Variants in GNAL observed in about 807,000 individuals in gnomAD.
The protein encoded by GNAL is guanine nucleotide-binding protein G(olf) subunit alpha.
GNAL carries 18 observed loss-of-function variants against 55.1 expected under a neutral mutation model. The ratio of observed to expected loss-of-function variants is 0.33; its 90% confidence interval spans 0.23 to 0.48. GNAL has a LOEUF of 0.48. Among genes scored for constraint, GNAL ranks in the 20% least tolerant of loss-of-function variants. The pLI, the probability that GNAL is intolerant of heterozygous loss-of-function variation, is 0.99. For synonymous variants in GNAL, 253 were observed against 237.0 expected (o/e 1.07, Z -0.62); for missense variants, 412 against 614.1 (o/e 0.67, Z 3.48).
intron 1 of GNAL, among the ~76,000 whole-genome samples, chr18:11,699,029 T>G (rs2031492227): frequency 6.6e-6 from 1 of 152,088 alleles, no homozygotes; most frequent in African/African-American, 2.4e-5. Flanking sequence ...AAGACCTAAC[T>G]CCAAGGGCCC....
intron 5 of GNAL, among the ~76,000 whole-genome samples, chr18:11,849,892 G>C (rs1420987645): frequency 6.6e-6 from 1 of 152,206 alleles, no homozygotes; most frequent in Non-Finnish European, 1.5e-5. Context: ...GCTCCATGGA[G>C]AGGGGAAGGA....
chr18:11,827,893 C>G (rs1422160848), intron 5 of GNAL, among the ~76,000 whole-genome samples: 1 of 151,400 alleles, frequency 6.6e-6, no homozygotes. Flanking sequence ...ATGGCGTGAA[C>G]CCGGGAGGCG....
At chr18:11,864,122 C>A (rs970677799) in intron 6 of GNAL, among the ~76,000 whole-genome samples, 1 of 144,110 alleles carries the variant, frequency 6.9e-6, no homozygotes, top group Non-Finnish European at 1.5e-5. Flanking sequence ...GAGTCTCACT[C>A]GTCACCCAGG....
intron 4 of GNAL, among the ~76,000 whole-genome samples, chr18:11,819,443 C>T (rs1279190269): frequency 1.3e-5 from 2 of 151,794 alleles, no homozygotes; most frequent in Non-Finnish European, 2.9e-5. Context: ...ATTTTAAAGC[C>T]TTGCTTTTAA....
intron 4 of GNAL, among the ~76,000 whole-genome samples, chr18:11,764,625 A>G (rs529942885): frequency 3.3e-5 from 5 of 151,820 alleles, no homozygotes; most frequent in African/African-American, 7.3e-5. Context: ...CCTAGGCAAC[A>G]TGGTGAAACC....
chr18:11,855,041 C>T (rs1387406364), intron 5 of GNAL, among the ~76,000 whole-genome samples: 1 of 146,872 alleles, frequency 6.8e-6, no homozygotes, highest in East Asian at 1.9e-4. Context: ...CTGCCTCAGC[C>T]CCCTGAGTAG....
At chr18:11,828,059 G>A (rs1028150152) in intron 5 of GNAL, among the ~76,000 whole-genome samples, 5 of 152,068 alleles carry the variant, frequency 3.3e-5, no homozygotes, top group Non-Finnish European at 5.9e-5. Context: ...ATACAGTTCT[G>A]TGGTTGCTCT....
intron 1 of GNAL, among the ~76,000 whole-genome samples, chr18:11,718,029 C>T (rs1207308702): frequency 6.6e-6 from 1 of 152,100 alleles, no homozygotes; most frequent in African/African-American, 2.4e-5. Context: ...CTTCATATTA[C>T]ATGACAGTGT....
At chr18:11,704,781 A>ATT (rs11408182) in intron 1 of GNAL, among the ~76,000 whole-genome samples, 18 of 140,790 alleles carry the variant, frequency 1.3e-4, no homozygotes, top group South Asian at 4.2e-4. Context: ...TCCATTATCA[A>ATT]TTTTTTTTTA....
Position 11,881,093 on chromosome 18 carries a change from C to T in GNAL, c.1335C>T (p.Asp445=). The T allele has an allele frequency of 6.2e-7, 1 of 1,612,946 alleles. No homozygotes were observed. The highest frequency in any genetic ancestry group is 8.5e-7 in the Non-Finnish European group (1 of 1,179,470). The part of the protein sequence containing the change: ...NIRRVFNDCR[D]IIQRMHLKQY... Reference sequence around the variant, plus strand: ...GCAGGGTGTTCAACGACTGCCGCGACATCATCCAGCGGATGCACCTCAAGC... The same window carrying T: ...GCAGGGTGTTCAACGACTGCCGCGATATCATCCAGCGGATGCACCTCAAGC... The change falls in exon 12 of 12, where the codon GAC becomes GAT. Residue 445 remains aspartate, a synonymous_variant. Coordinates refer to ENST00000334049, the MANE Select transcript of GNAL (RefSeq NM_182978.4). The surrounding 1 kb of genome is among the most constrained non-coding windows in gnomAD (Gnocchi z 4.8).
Position 11,752,425 on chromosome 18 carries a change from CG to C in GNAL, c.377-425del. ...CCTAACTTCCTGACGTCCATCCCAG[CG>C]GGCAGGCATGGGGTGTTTGGGCGGC... On this transcript the variant is annotated intron_variant, in intron 1 of 11. Coordinates refer to ENST00000334049, the MANE Select transcript of GNAL (RefSeq NM_182978.4). The surrounding 1 kb of genome is among the most constrained non-coding windows in gnomAD (Gnocchi z 4.5). 1 of 1,600,248 alleles carries C rather than the reference CG, an allele frequency of 6.2e-7. No individual in the cohort carries two copies. Among genetic ancestry groups the C allele is most frequent in the Non-Finnish European group, 8.5e-7 (1 of 1,174,618 alleles).
At position 11,689,602 on chromosome 18, in the gene GNAL, G is replaced by A. The variant is rs1295123591; in HGVS notation, c.39G>A (p.Gly13=). Residue 13 remains glycine, a synonymous_variant, in exon 1 of 12, where the codon GGG becomes GGA. Coordinates refer to ENST00000334049, the MANE Select transcript of GNAL (RefSeq NM_182978.4). ...LCYSLRPLLF[G]GPGDDPCAAS... ...ACAGTCTGCGGCCGCTGCTTTTCGG[G>A]GGCCCAGGGGACGACCCCTGCGCGG... 1.5e-6 allele frequency: 2 copies of A among 1,335,924 alleles called. No homozygotes were observed. The highest frequency in any genetic ancestry group is 4.2e-5 in the Admixed American group (1 of 23,940). The allele number at this position is 1,335,924 out of a possible 1,614,324, so 82.8% of individuals were successfully genotyped here.
chr18:11,729,669 A>G (rs2032291170), intron 1 of GNAL, among the ~76,000 whole-genome samples: 1 of 152,204 alleles, frequency 6.6e-6, no homozygotes, highest in South Asian at 2.1e-4. Context: ...TCATTTCTGT[A>G]TCCTCCACAC....
Position 11,758,667 on chromosome 18 carries a change from G to C in GNAL, c.624+4722G>C, listed in dbSNP as rs747913323. Among the ~76,000 whole-genome samples the C allele has an allele frequency of 4.3e-4, 65 of 152,234 alleles. 1 individual carries two copies. The highest frequency in any genetic ancestry group is 1.8e-3 in the Admixed American group (27 of 15,280). ...TGGGATTAGCTACAAATAATGAATTGACAGTTGCCTGATTAGAGTTTTTCT... is the reference window on the plus strand; with the variant it reads ...TGGGATTAGCTACAAATAATGAATTCACAGTTGCCTGATTAGAGTTTTTCT... On this transcript the variant is annotated intron_variant, in intron 4 of 11. Coordinates refer to ENST00000334049, the MANE Select transcript of GNAL (RefSeq NM_182978.4).
At chr18:11,793,567 GCAAGAT>G (rs775012029) in intron 4 of GNAL, among the ~76,000 whole-genome samples, 5 of 147,620 alleles carry the variant, frequency 3.4e-5, no homozygotes, top group Non-Finnish European at 7.5e-5. Flanking sequence ...GAACAATAGA[GCAAGAT>G]CCTGTCTCTA....
chr18:11,814,963 G>A (rs2034917573), intron 4 of GNAL, among the ~76,000 whole-genome samples: 1 of 152,042 alleles, frequency 6.6e-6, no homozygotes, highest in Non-Finnish European at 1.5e-5. Flanking sequence ...AGAGGTTGGA[G>A]AGGGGAAAGT....
chr18:11,852,945 C>T (rs902085598), intron 5 of GNAL: 18 of 166,870 alleles, frequency 1.1e-4, no homozygotes, highest in African/African-American at 4.3e-4. Context: ...AGTTATTTTC[C>T]TGTTTCAACA....
intron 1 of GNAL, among the ~76,000 whole-genome samples, chr18:11,718,176 A>G (rs2032018306): frequency 6.6e-6 from 1 of 152,216 alleles, no homozygotes; most frequent in African/African-American, 2.4e-5. Flanking sequence ...TTCACAGGGG[A>G]AAATTTGAAA....
At chr18:11,871,738 T>C (rs2143886798) in intron 9 of GNAL, among the ~76,000 whole-genome samples, 1 of 152,352 alleles carries the variant, frequency 6.6e-6, no homozygotes. Context: ...CGACCTTTTA[T>C]TGGTAAATTA....
Sources: allele counts gnomAD v4.1 joint callset (sites outside exome capture counted in the v4.1 genomes callset), GRCh38; gene constraint gnomAD v4.1.1; non-coding constraint Gnocchi (gnomAD v3.1); transcripts MANE v1.5; gene names NCBI Gene and HGNC (gene_info 2026-07-23, HGNC 2026-07-21).